The following GLP1R variants were observed in gnomAD, a reference collection of about 807,000 sequenced individuals.
The protein encoded by GLP1R is glucagon like peptide 1 receptor.
In GLP1R, 32 loss-of-function variants were observed where a neutral mutation model predicts 68.4. The ratio of observed to expected loss-of-function variants is 0.47; its 90% CI spans 0.35 to 0.63. The LOEUF (loss-of-function observed/expected upper bound fraction) is 0.63. Ranked by LOEUF, GLP1R falls within the 20% of genes least tolerant of loss-of-function variation. The pLI is 0.00. For synonymous variants in GLP1R, 263 were observed against 244.4 expected (o/e 1.08, Z -0.71); for missense variants, 502 against 594.9 (o/e 0.84, Z 1.62).
chr6:39,066,698 C>T lies in GLP1R; in HGVS notation c.509+395C>T, dbSNP rs77226261. Among the ~76,000 whole-genome samples, 750 of 152,294 alleles carry T rather than the reference C, an allele frequency of 4.9e-3. 6 individuals are homozygous for T. The highest frequency in any genetic ancestry group is 0.017 in the African/African-American group (706 of 41,554). On this transcript the variant is annotated intron_variant, in intron 5 of 12. Coordinates refer to ENST00000373256, the MANE Select transcript of GLP1R (RefSeq NM_002062.5). ...TCTTGGGGATTAGAGATCTTCCTCCCTTTGGAGCTTTTCAGCCCCAGTGGA... is the reference window on the plus strand; with the variant it reads ...TCTTGGGGATTAGAGATCTTCCTCCTTTTGGAGCTTTTCAGCCCCAGTGGA...
At chr6:39,078,842 C>T (rs1417637434) in intron 8 of GLP1R, 115 bp from the exon 9 acceptor site, 4 of 880,580 alleles carry the variant, frequency 4.5e-6, no homozygotes, top group South Asian at 1.5e-5. Context: ...CTCCTGGGAG[C>T]TGTGTGTGTG....
intron 5 of GLP1R, 117 bp from the exon 6 acceptor site, chr6:39,072,745 C>T (rs1768709086): frequency 2.4e-6 from 2 of 828,444 alleles, no homozygotes. Flanking sequence ...GAAGAAGACA[C>T]ACGCACAGTC....
At position 39,065,809 on chromosome 6, in the gene GLP1R, G is replaced by C; in HGVS notation, c.382G>C (p.Glu128Gln). Residue 128 changes from glutamate to glutamine, a missense_variant, in exon 4 of 13, where the codon GAG becomes CAG. Transcript: ENST00000373256. ...LPWRDLSECE[E>Q]SKRGERSSPE... ...CTGGAGGGACTTGTCGGAGTGCGAG[G>C]AGTCCAAGCGAGGGGAAAGAGTGAG... 6.2e-7 allele frequency: 1 copy of C among 1,602,366 alleles called. No homozygotes were observed. Among genetic ancestry groups the C allele is most frequent in the Non-Finnish European group, 8.5e-7 (1 of 1,172,328 alleles).
chr6:39,086,083 G>A lies in GLP1R; in HGVS notation c.*10G>A, dbSNP rs201350470. 4.5e-5 allele frequency: 73 copies of A among 1,612,326 alleles called. No homozygotes were observed. In the African/African-American group the frequency reaches 6.4e-4, roughly 14 times the overall value. On this transcript the variant is annotated 3_prime_UTR_variant, in exon 13 of 13. Transcript: ENST00000373256. The surrounding 1 kb of genome is among the most constrained non-coding windows in gnomAD (Gnocchi z 4.5). ...GGCCTCCTGCAGCTGAGACTCCAGCGCCTGCCCTCCCTGGGGTCCTTGCTG... is the reference window on the plus strand; with the variant it reads ...GGCCTCCTGCAGCTGAGACTCCAGCACCTGCCCTCCCTGGGGTCCTTGCTG...
chr6:39,083,631 C>G (rs924012142), intron 12 of GLP1R, among the ~76,000 whole-genome samples: 1 of 152,106 alleles, frequency 6.6e-6, no homozygotes, highest in Admixed American at 6.5e-5. Context: ...TGGGGCAAGT[C>G]ATTTTGCCTC....
intron 1 of GLP1R, among the ~76,000 whole-genome samples, chr6:39,053,515 A>G (rs550088005): frequency 1.8e-4 from 27 of 152,064 alleles, no homozygotes; most frequent in African/African-American, 5.8e-4. Flanking sequence ...AAGCCTGGTC[A>G]CTCCCTCCCA....
intron 12 of GLP1R, among the ~76,000 whole-genome samples, chr6:39,082,918 G>A (rs1447548098): frequency 1.3e-5 from 2 of 151,940 alleles, no homozygotes; most frequent in Non-Finnish European, 1.5e-5. Context: ...TAGCAGACAC[G>A]TGTGCTTGGC....
At position 39,080,553 on chromosome 6, in the gene GLP1R, A is replaced by G. The variant is rs1768977642; in HGVS notation, c.1183-145A>G. On this transcript the variant is annotated intron_variant, in intron 11 of 12. Transcript: ENST00000373256. The stretch of plus-strand genomic sequence containing the variant: ...TCAGAAAGGAAATGAGAGGGAAGCC[A>G]CTGCCCCATTCCTGGATCTGCCTGG... 1.0e-5 allele frequency: 6 copies of G among 588,658 alleles called. No homozygotes were observed. In the East Asian group the frequency reaches 1.8e-4, roughly 18 times the overall value. 36.5% of individuals were successfully genotyped at this position (588,658 alleles called of 1,614,324 possible).
At chr6:39,067,207 T>G (rs1237655088) in intron 5 of GLP1R, among the ~76,000 whole-genome samples, 2 of 152,202 alleles carry the variant, frequency 1.3e-5, no homozygotes, top group Non-Finnish European at 2.9e-5. Flanking sequence ...TTCCTTGTAC[T>G]TTTACCACAT....
chr6:39,050,745 C>G (rs2150817855), intron 1 of GLP1R, among the ~76,000 whole-genome samples: 1 of 152,322 alleles, frequency 6.6e-6, no homozygotes, highest in South Asian at 2.1e-4. Flanking sequence ...ATTTTGTTTT[C>G]TGTCTATGAA....
At chr6:39,085,858 C>T in intron 12 of GLP1R, 48 bp from the exon 13 acceptor site, 1 of 1,580,152 alleles carries the variant, frequency 6.3e-7, no homozygotes, top group East Asian at 2.2e-5. Context: ...ATTTTGTTAG[C>T]CATTGGTTTG....
intron 1 of GLP1R, among the ~76,000 whole-genome samples, chr6:39,050,675 T>A (rs1285286221): frequency 1.3e-5 from 2 of 152,182 alleles, no homozygotes; most frequent in East Asian, 3.9e-4. Context: ...AAGGATAGAT[T>A]GCAACAATTA....
intron 12 of GLP1R, among the ~76,000 whole-genome samples, chr6:39,081,473 G>T (rs1207281951): frequency 6.6e-6 from 1 of 152,200 alleles, no homozygotes; most frequent in African/African-American, 2.4e-5. Context: ...AATGTCTGCA[G>T]GACAGCAGGC....
At chr6:39,084,421 G>T (rs1385021176) in intron 12 of GLP1R, among the ~76,000 whole-genome samples, 1 of 152,170 alleles carries the variant, frequency 6.6e-6, no homozygotes, top group Non-Finnish European at 1.5e-5. Context: ...AAGTCCCATA[G>T]GTGTCCCTGA....
chr6:39,086,987 C>G lies in GLP1R; in HGVS notation c.*914C>G, dbSNP rs199793561. The G allele has an allele frequency of 7.2e-5, 11 of 152,434 alleles. No individual in the cohort carries two copies. The highest frequency in any genetic ancestry group is 1.6e-4 in the Non-Finnish European group (11 of 68,074). 9.4% of individuals were successfully genotyped at this position (152,434 alleles called of 1,614,324 possible). A position where few individuals can be genotyped will look rare whatever the true frequency, so the allele number is the denominator to read the frequency against. On this transcript the variant is annotated 3_prime_UTR_variant, in exon 13 of 13. Coordinates refer to ENST00000373256, the MANE Select transcript of GLP1R (RefSeq NM_002062.5). This position sits in a 1 kb window ranked among gnomAD's most constrained non-coding sequence, Gnocchi z 4.5. ...GGGCCAAGAGAGACATTGCCTCCAC[C>G]TCTCCTTGGAAATACTTTATCTGTG...
At chr6:39,053,693 A>G (rs1051288772) in intron 1 of GLP1R, among the ~76,000 whole-genome samples, 2 of 151,758 alleles carry the variant, frequency 1.3e-5, no homozygotes, top group African/African-American at 4.8e-5. Context: ...AAAACATACA[A>G]CTCTTGCACT....
chr6:39,084,633 C>A lies in GLP1R; in HGVS notation c.1225-1273C>A, dbSNP rs561107045. ...CTCAGCCGGGCAGGGAGCTGGCATA[C>A]AACAGGGTGGCTGTAGGTGGTGTCT... On this transcript the variant is annotated intron_variant, in intron 12 of 12. Coordinates refer to ENST00000373256, the MANE Select transcript of GLP1R (RefSeq NM_002062.5). 1.3e-3 allele frequency among the ~76,000 whole-genome samples: 202 copies of A among 152,336 alleles called. 1 individual carries two copies. The Middle Eastern group carries it at 0.014, about 10-fold the overall frequency.
chr6:39,058,341 T>C (rs370359591), intron 3 of GLP1R, among the ~76,000 whole-genome samples: 6 of 152,112 alleles, frequency 3.9e-5, no homozygotes, highest in African/African-American at 1.4e-4. Flanking sequence ...ATCAGGGCAT[T>C]GGTGGGGTGA....
chr6:39,078,339 G>T lies in GLP1R; in HGVS notation c.841G>T (p.Val281Phe). 3 of 1,612,770 alleles carry T rather than the reference G, an allele frequency of 1.9e-6. No homozygotes were observed. Among genetic ancestry groups the T allele is most frequent in the South Asian group, 2.2e-5 (2 of 91,024 alleles). Residue 281 changes from valine (V) to phenylalanine (F), a missense_variant, in exon 8 of 13, where the codon GTT becomes TTT. Coordinates refer to ENST00000373256, the MANE Select transcript of GLP1R (RefSeq NM_002062.5). Reference protein sequence around the residue: ...SIGWGVPLLFVVPWGIVKYLY... With the variant: ...SIGWGVPLLFFVPWGIVKYLY... ...TCTCTTAGGTGTTCCCCTGCTGTTTGTTGTCCCCTGGGGCATTGTCAAGTA... is the reference window on the plus strand; with the variant it reads ...TCTCTTAGGTGTTCCCCTGCTGTTTTTTGTCCCCTGGGGCATTGTCAAGTA...
Sources: gnomAD v4.1 joint callset for allele counts (sites outside exome capture counted in the v4.1 genomes callset) on GRCh38, gnomAD v4.1.1 for gene constraint, Gnocchi (gnomAD v3.1) non-coding constraint, MANE v1.5 for transcripts, NCBI Gene and HGNC (gene_info 2026-07-23, HGNC 2026-07-21) for gene names.